CCSER2: variants seen among roughly 807,000 people sequenced by gnomAD.
CCSER2 encodes serine-rich coiled-coil domain-containing protein 2.
In CCSER2, 46 loss-of-function variants were observed where a neutral mutation model predicts 92.3. The ratio of observed to expected loss-of-function variants is 0.50; its 90% CI spans 0.39 to 0.64. CCSER2 has a LOEUF of 0.64. Ranked by LOEUF, CCSER2 falls within the 30% of genes least tolerant of loss-of-function variation. CCSER2 has a pLI of 0.00. For missense variants in CCSER2, 1,244 were observed against 1,238.9 expected (o/e 1.00, Z -0.06); for synonymous variants, 433 against 431.4 (o/e 1.00, Z -0.04).
intron 1 of CCSER2, among the ~76,000 whole-genome samples, chr10:84,347,752 C>G (rs1316926900): frequency 6.7e-6 from 1 of 149,304 alleles, no homozygotes; most frequent in Non-Finnish European, 1.5e-5. Flanking sequence ...GGGCGGCTGC[C>G]GGGCGGAGGG....
chr10:84,409,571 GCT>G (rs1168291235), intron 3 of CCSER2, among the ~76,000 whole-genome samples: 7 of 146,238 alleles, frequency 4.8e-5, no homozygotes, highest in African/African-American at 1.7e-4. Flanking sequence ...CTGCTTGATT[GCT>G]CTCTTTTTTT....
chr10:84,491,758 G>A (rs1848181969), intron 9 of CCSER2, among the ~76,000 whole-genome samples: 1 of 152,060 alleles, frequency 6.6e-6, no homozygotes, highest in South Asian at 2.1e-4. Context: ...TGTCCCCACT[G>A]TCCAACAAGC....
intron 1 of CCSER2, among the ~76,000 whole-genome samples, chr10:84,369,450 T>A (rs937792446): frequency 3.3e-5 from 5 of 152,074 alleles, no homozygotes; most frequent in African/African-American, 1.2e-4. Flanking sequence ...TGTTTCTTGG[T>A]CATTGTATAC....
chr10:84,489,986 C>A (rs1589801084), intron 9 of CCSER2, among the ~76,000 whole-genome samples: 1 of 152,230 alleles, frequency 6.6e-6, no homozygotes, highest in East Asian at 1.9e-4. Flanking sequence ...TTTTATTTCT[C>A]CTTCACTTAT....
chr10:84,384,445 A>G (rs1021624282), intron 3 of CCSER2, among the ~76,000 whole-genome samples: 16 of 152,226 alleles, frequency 1.1e-4, no homozygotes, highest in African/African-American at 3.9e-4. Flanking sequence ...AGTGGGTTTT[A>G]TTTTAGGAAT....
Position 84,405,815 on chromosome 10 carries a change from G to A in CCSER2, c.1615-11956G>A, listed in dbSNP as rs79886369. ...AGTAACTAAGGGCTGTTGAGGATGC[G>A]GAGCAACTAGAAGTCTCATTCATTG... On this transcript the variant is annotated intron_variant, in intron 3 of 9. Transcript: ENST00000372088. Among the ~76,000 whole-genome samples, 450 of 152,236 alleles carry A rather than the reference G, an allele frequency of 3.0e-3. 2 individuals are homozygous for A. Among genetic ancestry groups the A allele is most frequent in the African/African-American group, 0.01 (417 of 41,546 alleles).
chr10:84,432,039 C>G (rs1843801427), intron 5 of CCSER2, among the ~76,000 whole-genome samples: 1 of 152,118 alleles, frequency 6.6e-6, no homozygotes, highest in Non-Finnish European at 1.5e-5. Context: ...ATGAGAACTT[C>G]TGTTGCTGCT....
At chr10:84,402,502 T>C (rs1348535485) in intron 3 of CCSER2, among the ~76,000 whole-genome samples, 1 of 152,192 alleles carries the variant, frequency 6.6e-6, no homozygotes, top group Non-Finnish European at 1.5e-5. Flanking sequence ...ATCCTAGGAA[T>C]GCAAGGTTGA....
intron 5 of CCSER2, among the ~76,000 whole-genome samples, chr10:84,434,116 A>G (rs1163467618): frequency 6.6e-6 from 1 of 152,098 alleles, no homozygotes; most frequent in Non-Finnish European, 1.5e-5. Flanking sequence ...AATGTGGGGG[A>G]TTATGGCCAG....
chr10:84,390,860 C>T (rs1485647494), intron 3 of CCSER2: 1 of 600,618 alleles, frequency 1.7e-6, no homozygotes, highest in Non-Finnish European at 3.1e-6. Flanking sequence ...ATCATACAGA[C>T]ACAGTATAAA....
In CCSER2 at chr10:84,438,699, C is replaced by T. The variant is rs1844339762; in HGVS notation, c.2056C>T (p.Leu686=). The change falls in exon 6 of 10, where the codon CTG becomes TTG. Residue 686 remains leucine (L), a synonymous_variant. Coordinates refer to ENST00000372088, the MANE Select transcript of CCSER2 (RefSeq NM_001284240.2). ...KTQLLKLKRL[L]HQHDGSGSLH... is the part of the protein sequence containing the mutation. ...TCAGTTACTCAAACTGAAACGTCTC[C>T]TGCATCAGGTGAGTACATAATGAAC... 10 of 1,601,524 alleles carry T rather than the reference C, an allele frequency of 6.2e-6. No individual in the cohort carries two copies. Among genetic ancestry groups the T allele is most frequent in the Admixed American group, 1.7e-5 (1 of 58,746 alleles).
chr10:84,406,602 G>A (rs995071407), intron 3 of CCSER2, among the ~76,000 whole-genome samples: 13 of 152,088 alleles, frequency 8.5e-5, no homozygotes, highest in African/African-American at 2.2e-4. Context: ...TCAGTCTTAC[G>A]GGAAGCCTCT....
intron 1 of CCSER2, among the ~76,000 whole-genome samples, chr10:84,364,923 G>T (rs868533251): frequency 1.1e-4 from 16 of 151,698 alleles, no homozygotes; most frequent in Non-Finnish European, 7.4e-5. Context: ...TGTATTTGTG[G>T]CAGAGACAGG....
intron 4 of CCSER2, among the ~76,000 whole-genome samples, chr10:84,421,571 C>T (rs2133410587): frequency 6.6e-6 from 1 of 152,240 alleles, no homozygotes; most frequent in Non-Finnish European, 1.5e-5. Context: ...CAATTATCTC[C>T]ACCTGGTCCT....
chr10:84,331,633 GA>G (rs922879436), intron 1 of CCSER2, among the ~76,000 whole-genome samples: 2 of 152,158 alleles, frequency 1.3e-5, no homozygotes, highest in Non-Finnish European at 2.9e-5. Context: ...GATTTTGGGG[GA>G]AAAAATTGAT....
At chr10:84,347,900 C>A (rs919665580) in intron 1 of CCSER2, among the ~76,000 whole-genome samples, 10 of 151,928 alleles carry the variant, frequency 6.6e-5, no homozygotes, top group Non-Finnish European at 1.2e-4. Context: ...TGATGGGTGG[C>A]CGGGCAGAGA....
At position 84,513,834 on chromosome 10, in the gene CCSER2, G is replaced by T; in HGVS notation, c.2711G>T (p.Gly904Val). 1 of 1,536,240 alleles carries T rather than the reference G, an allele frequency of 6.5e-7. No homozygotes were observed. Among genetic ancestry groups the T allele is most frequent in the Non-Finnish European group, 8.7e-7 (1 of 1,146,944 alleles). Reference protein sequence around the residue: ...SSTVDQAKRVGRNQSPPVGYM... With the variant: ...SSTVDQAKRVVRNQSPPVGYM... ...ACAGTAGACCAGGCTAAGAGAGTTGGAAGAAATCAGTCTCCGCCAGTGGGT... is the reference window on the plus strand; with the variant it reads ...ACAGTAGACCAGGCTAAGAGAGTTGTAAGAAATCAGTCTCCGCCAGTGGGT... Residue 904 changes from glycine (G) to valine (V), a missense_variant, in exon 10 of 10, where the codon GGA becomes GTA. Gly to Val is a moderately radical substitution (Grantham distance 109). Transcript: ENST00000372088.
At chr10:84,408,461 C>T (rs2133349778) in intron 3 of CCSER2, among the ~76,000 whole-genome samples, 1 of 151,878 alleles carries the variant, frequency 6.6e-6, no homozygotes, top group South Asian at 2.1e-4. Context: ...TCCTTCTTTC[C>T]TTCCGTGTTC....
At chr10:84,389,947 G>T (rs1441751328) in intron 3 of CCSER2, among the ~76,000 whole-genome samples, 1 of 151,986 alleles carries the variant, frequency 6.6e-6, no homozygotes, top group African/African-American at 2.4e-5. Flanking sequence ...ATTTCTCCTA[G>T]AGCCCTTGTT....
Sources: allele counts gnomAD v4.1 joint callset (sites outside exome capture counted in the v4.1 genomes callset), GRCh38; gene constraint gnomAD v4.1.1; transcripts MANE v1.5; gene names NCBI Gene and HGNC (gene_info 2026-07-23, HGNC 2026-07-21).